BLM: variants seen among roughly 807,000 people sequenced by gnomAD.
BLM encodes recQ-like DNA helicase BLM.
In BLM, 95 loss-of-function variants were observed where a neutral mutation model predicts 135.3. That is an observed-to-expected ratio of 0.70 (90% confidence interval 0.59 to 0.83). The LOEUF (loss-of-function observed/expected upper bound fraction) is 0.83. Ranked by LOEUF, BLM falls within the 40% of genes least tolerant of loss-of-function variation. The pLI is 0.00. For missense variants in BLM, 1,518 were observed against 1,663.9 expected, an observed-to-expected ratio of 0.91 and a Z score of 1.53; for synonymous variants, 520 against 589.2, an observed-to-expected ratio of 0.88 and a Z score of 1.70.
At chr15:90,747,687 G>A in intron 2 of BLM, 197 bp downstream of exon 2, 1 of 529,964 alleles carries the variant, frequency 1.9e-6, no homozygotes, top group Non-Finnish European at 3.4e-6. Context: ...ATCTTTGCAT[G>A]GTTCCTGGCA....
At chr15:90,736,025 A>G (rs1179350345) in intron 1 of BLM, among the ~76,000 whole-genome samples, 1 of 152,232 alleles carries the variant, frequency 6.6e-6, no homozygotes. Context: ...AAAATATTCA[A>G]TTTCACCTAA....
chr15:90,813,609 G>A (rs966572217), intron 21 of BLM, among the ~76,000 whole-genome samples: 2 of 152,254 alleles, frequency 1.3e-5, no homozygotes, highest in East Asian at 1.9e-4. Flanking sequence ...GGCTGGTCTC[G>A]AACTCCTGAC....
At chr15:90,737,221 C>T (rs1395482209) in intron 1 of BLM, among the ~76,000 whole-genome samples, 2 of 151,500 alleles carry the variant, frequency 1.3e-5, no homozygotes, top group African/African-American at 4.8e-5. Context: ...TTTGAAATTA[C>T]TTCCTATAGT....
chr15:90,800,589 A>C (rs1322412616), intron 17 of BLM, among the ~76,000 whole-genome samples: 1 of 152,170 alleles, frequency 6.6e-6, no homozygotes, highest in Non-Finnish European at 1.5e-5. Flanking sequence ...CTGAGGCAGG[A>C]GAATTGCTTG....
intron 5 of BLM, among the ~76,000 whole-genome samples, chr15:90,757,615 C>T (rs1337115443): frequency 6.6e-6 from 1 of 152,162 alleles, no homozygotes; most frequent in African/African-American, 2.4e-5. Context: ...GATGCCCCTC[C>T]TCACCCTGCC....
chr15:90,726,811 A>C (rs1024317431), intron 1 of BLM, among the ~76,000 whole-genome samples: 1 of 152,030 alleles, frequency 6.6e-6, no homozygotes, highest in Non-Finnish European at 1.5e-5. Flanking sequence ...ATGTACTATA[A>C]TTTTTTTATT....
At chr15:90,792,210 G>A (rs1396726461) in intron 15 of BLM, among the ~76,000 whole-genome samples, 1 of 151,212 alleles carries the variant, frequency 6.6e-6, no homozygotes, top group African/African-American at 2.4e-5. Flanking sequence ...GATGCAAGCA[G>A]TTCTCCTGCC....
chr15:90,809,387 C>T, intron 20 of BLM, 128 bp downstream of exon 20: 1 of 1,483,416 alleles, frequency 6.7e-7, no homozygotes, highest in Non-Finnish European at 9.3e-7. Flanking sequence ...CAAGTCAGCC[C>T]CCAGTGGTGT....
intron 1 of BLM, among the ~76,000 whole-genome samples, chr15:90,730,596 C>T (rs1253066284): frequency 1.3e-5 from 2 of 151,824 alleles, no homozygotes; most frequent in Non-Finnish European, 2.9e-5. Flanking sequence ...CTAGAGGCTG[C>T]GTCACTGCGC....
rs532697909 is a variant in BLM, at chr15:90,729,130, C to G, written c.-5+11690C>G. Among the ~76,000 whole-genome samples the G allele has an allele frequency of 2.0e-5, 3 of 151,952 alleles. No individual in the cohort carries two copies. The South Asian group carries it at 6.2e-4, about 32-fold the overall frequency. ...TTTGAGACTAGCCTGGCCAACGTGG[C>G]GAAACTCCATCTCTACTAAAAATAC... On this transcript the variant is annotated intron_variant, in intron 1 of 21. Transcript: ENST00000355112.
intron 19 of BLM, among the ~76,000 whole-genome samples, chr15:90,808,036 T>C (rs1897321370): frequency 6.6e-6 from 1 of 152,232 alleles, no homozygotes; most frequent in Admixed American, 6.5e-5. Flanking sequence ...TGGTATTTTA[T>C]GATATGTTAT....
Position 90,763,022 on chromosome 15 carries a change from C to G in BLM, c.1939C>G (p.Leu647Val), listed in dbSNP as rs1896027269. ...TCTGAAACATGAGCGTTTCCAAAGTCTTAGTTTTCCTCATACAAAGGAAAT... is the reference window on the plus strand; with the variant it reads ...TCTGAAACATGAGCGTTTCCAAAGTGTTAGTTTTCCTCATACAAAGGAAAT... ...RNLKHERFQS[L>V]SFPHTKEMMK... is the part of the protein sequence containing the mutation. Residue 647 changes from leucine (L) to valine (V), a missense_variant, in exon 8 of 22, where the codon CTT (leucine) becomes GTT (valine). Physicochemically the swap from Leu to Val is conservative, Grantham distance 32 (BLOSUM62 1). Transcript: ENST00000355112. 1 of 1,613,804 alleles carries G rather than the reference C, an allele frequency of 6.2e-7. No individual in the cohort carries two copies. The highest frequency in any genetic ancestry group is 8.5e-7 in the Non-Finnish European group (1 of 1,179,946).
Position 90,754,528 on chromosome 15 carries a change from T to C in BLM, c.960-283T>C, listed in dbSNP as rs56286662. ...AGGATCAGTGGCAAAATCCCCAAAA[T>C]AGGCAATGCAGGGCTTATATGAAGA... On this transcript the variant is annotated intron_variant, in intron 4 of 21. Coordinates refer to ENST00000355112, the MANE Select transcript of BLM (RefSeq NM_000057.4). Among the ~76,000 whole-genome samples the C allele has an allele frequency of 4.1e-3, 620 of 152,188 alleles. 3 individuals are homozygous for C. The highest frequency in any genetic ancestry group is 0.014 in the African/African-American group (597 of 41,526).
rs748186908 is a variant in BLM at position 90,749,623 on chromosome 15, GTA to G, written c.357_358del (p.Cys120HisfsTer22). 8 of 1,614,158 alleles carry G rather than the reference GTA, an allele frequency of 5.0e-6. No individual in the cohort carries two copies. In the South Asian group the frequency reaches 8.8e-5, roughly 18 times the overall value. On this transcript the variant is annotated frameshift_variant, in exon 3 of 22. Coordinates refer to ENST00000355112, the MANE Select transcript of BLM (RefSeq NM_000057.4). LOFTEE classifies it high-confidence loss of function. The part of the protein sequence containing the change: ...PDFLQTPKEV[V>X]CTTQNTPTVK... The stretch of plus-strand genomic sequence containing the variant: ...TTTCTTGCAGACTCCGAAGGAAGTT[GTA>G]TGCACTACCCAAAACACACCAACTG...
intron 5 of BLM, among the ~76,000 whole-genome samples, chr15:90,756,976 A>G (rs1373517629): frequency 6.6e-6 from 1 of 152,260 alleles, no homozygotes; most frequent in African/African-American, 2.4e-5. Flanking sequence ...TCAGGATTCA[A>G]GATAAAGTGC....
intron 5 of BLM, among the ~76,000 whole-genome samples, chr15:90,757,886 T>C (rs1256463608): frequency 1.3e-5 from 2 of 149,250 alleles, no homozygotes; most frequent in Admixed American, 6.6e-5. Context: ...TTTTTTTTCC[T>C]TTTTTTCATC....
At chr15:90,806,632 T>C (rs1164236241) in intron 19 of BLM, among the ~76,000 whole-genome samples, 1 of 152,228 alleles carries the variant, frequency 6.6e-6, no homozygotes, top group African/African-American at 2.4e-5. Flanking sequence ...AAATACTTAC[T>C]GGTCTGAGTT....
At chr15:90,768,005 G>A (rs1033511716) in intron 10 of BLM, among the ~76,000 whole-genome samples, 1 of 148,618 alleles carries the variant, frequency 6.7e-6, no homozygotes, top group East Asian at 2.0e-4. Flanking sequence ...GGGAGTGCTC[G>A]GCTCACTGCA....
intron 1 of BLM, among the ~76,000 whole-genome samples, chr15:90,744,048 C>T (rs540378503): frequency 6.6e-6 from 1 of 152,234 alleles, no homozygotes; most frequent in East Asian, 1.9e-4. Context: ...TAAAACCATG[C>T]TGTGGAGTAA....
Sources: gnomAD v4.1 joint callset for allele counts (sites outside exome capture counted in the v4.1 genomes callset) on GRCh38, gnomAD v4.1.1 for gene constraint, MANE v1.5 for transcripts, NCBI Gene and HGNC (gene_info 2026-07-23, HGNC 2026-07-21) for gene names.